PTPRE: variants seen among roughly 807,000 people sequenced by gnomAD.
PTPRE encodes the protein protein tyrosine phosphatase receptor type E, also known as receptor-type tyrosine-protein phosphatase epsilon.
In PTPRE, 51 loss-of-function variants were observed where a neutral mutation model predicts 102.0. That is an observed-to-expected ratio of 0.50 (90% CI 0.40 to 0.63). The LOEUF (loss-of-function observed/expected upper bound fraction) is 0.63. Among genes scored for constraint, PTPRE ranks in the 30% least tolerant of loss-of-function variants. The pLI is 0.00. For synonymous variants in PTPRE, 345 were observed against 348.2 expected (o/e 0.99, Z 0.10); for missense variants, 752 against 915.1 (o/e 0.82, Z 2.30).
At chr10:128,055,018 T>C (rs1269721983) in intron 6 of PTPRE, among the ~76,000 whole-genome samples, 1 of 152,124 alleles carries the variant, frequency 6.6e-6, no homozygotes, top group Non-Finnish European at 1.5e-5. Flanking sequence ...TTCAGTTTCC[T>C]CACCCATAAA....
chr10:127,920,306 C>T (rs959958553), intron 1 of PTPRE, among the ~76,000 whole-genome samples: 1 of 152,312 alleles, frequency 6.6e-6, no homozygotes, highest in East Asian at 1.9e-4. Flanking sequence ...GAAGGGGCAG[C>T]CCCTTGGAGC....
At chr10:127,969,157 G>A (rs1328154609) in intron 1 of PTPRE, among the ~76,000 whole-genome samples, 5 of 152,314 alleles carry the variant, frequency 3.3e-5, no homozygotes, top group African/African-American at 2.4e-5. Flanking sequence ...TTCGGAAGGC[G>A]AACGCCATGG....
At chr10:128,030,915 G>A (rs1011110098) in intron 2 of PTPRE, among the ~76,000 whole-genome samples, 3 of 152,184 alleles carry the variant, frequency 2.0e-5, no homozygotes, top group South Asian at 2.1e-4. Flanking sequence ...CCTGCAGGGC[G>A]CCCCTACCAC....
chr10:127,956,554 G>A (rs1033820957), intron 1 of PTPRE, among the ~76,000 whole-genome samples: 3 of 152,212 alleles, frequency 2.0e-5, no homozygotes, highest in Non-Finnish European at 4.4e-5. Flanking sequence ...GGGTTTTTGT[G>A]TGGACATAAG....
In PTPRE at chr10:128,070,363, G is replaced by A; in HGVS notation, c.1206G>A (p.Leu402=). The part of the protein sequence containing the change: ...LEYYLYGDTE[L]DVSSLEKHLQ... ...ACTACCTCTACGGGGACACAGAGCTGGACGTGTCCTCCCTGGAGAAGCACC... is the reference window on the plus strand; with the variant it reads ...ACTACCTCTACGGGGACACAGAGCTAGACGTGTCCTCCCTGGAGAAGCACC... The change falls in exon 14 of 21, where the codon CTG becomes CTA. Residue 402 remains leucine (L), a synonymous_variant. Coordinates refer to ENST00000254667, the MANE Select transcript of PTPRE (RefSeq NM_006504.6). The surrounding 1 kb of genome is among the most constrained non-coding windows in gnomAD (Gnocchi z 4.8). 6.2e-7 allele frequency: 1 copy of A among 1,614,180 alleles called. No individual in the cohort carries two copies. Among genetic ancestry groups the A allele is most frequent in the Non-Finnish European group, 8.5e-7 (1 of 1,180,028 alleles).
intron 7 of PTPRE, among the ~76,000 whole-genome samples, chr10:128,057,141 T>C (rs920886924): frequency 6.0e-5 from 9 of 151,200 alleles, no homozygotes; most frequent in African/African-American, 2.2e-4. Flanking sequence ...CTCTTGAACC[T>C]GGGAGACAGA....
intron 19 of PTPRE, among the ~76,000 whole-genome samples, chr10:128,078,781 T>A (rs1177187730): frequency 6.6e-6 from 1 of 152,102 alleles, no homozygotes; most frequent in Non-Finnish European, 1.5e-5. Context: ...GATGCAGAGG[T>A]GAACAAGATC....
intron 1 of PTPRE, among the ~76,000 whole-genome samples, chr10:127,978,571 C>T (rs894056164): frequency 6.6e-6 from 1 of 152,024 alleles, no homozygotes; most frequent in African/African-American, 2.4e-5. Flanking sequence ...ATAAAACAAG[C>T]AGACAAACAT....
intron 11 of PTPRE, among the ~76,000 whole-genome samples, chr10:128,067,074 CCA>C (rs912830147): frequency 2.0e-5 from 3 of 149,348 alleles, no homozygotes; most frequent in Admixed American, 2.0e-4. Flanking sequence ...ACACGTACAC[CCA>C]CACACAGGCA....
chr10:127,945,088 T>A (rs754163095), intron 1 of PTPRE, among the ~76,000 whole-genome samples: 2 of 152,152 alleles, frequency 1.3e-5, no homozygotes, highest in Non-Finnish European at 2.9e-5. Flanking sequence ...ATCTCCTTCA[T>A]TGGACCTCAG....
At chr10:127,942,751 GAGTTTC>G (rs1488132365) in intron 1 of PTPRE, among the ~76,000 whole-genome samples, 1 of 152,230 alleles carries the variant, frequency 6.6e-6, no homozygotes, top group Non-Finnish European at 1.5e-5. Flanking sequence ...AAGAGGGACA[GAGTTTC>G]AGTTTGGGAA....
intron 1 of PTPRE, among the ~76,000 whole-genome samples, chr10:127,969,661 T>C (rs1589861595): frequency 9.1e-6 from 1 of 110,264 alleles, no homozygotes; most frequent in East Asian, 2.8e-4. Flanking sequence ...AGCGATACTC[T>C]GCCTAAAAAG....
intron 1 of PTPRE, among the ~76,000 whole-genome samples, chr10:127,936,470 C>T (rs566230917): frequency 1.6e-4 from 25 of 152,084 alleles, no homozygotes; most frequent in East Asian, 1.9e-4. Flanking sequence ...TTGCCTGGAC[C>T]GCTGGTCCTT....
chr10:128,077,916 T>A, intron 19 of PTPRE, 133 bp downstream of exon 19: 1 of 1,001,222 alleles, frequency 1.0e-6, no homozygotes, highest in Non-Finnish European at 1.4e-6. Context: ...TCTCTACCTC[T>A]CCTTACACAC....
chr10:127,912,045 C>G (rs1589713347), intron 1 of PTPRE, among the ~76,000 whole-genome samples: 2 of 152,220 alleles, frequency 1.3e-5, no homozygotes, highest in South Asian at 4.2e-4. Flanking sequence ...GGCTAGGAGA[C>G]CCCTGGTTTG....
chr10:128,072,699 A>C (rs989784660), intron 16 of PTPRE: 6 of 151,712 alleles, frequency 4.0e-5, no homozygotes, highest in Admixed American at 1.3e-4. Flanking sequence ...CTTTGGAAAT[A>C]GAAGGACATA....
At chr10:127,962,550 GCTCTGCAGGGCGGGGTCAGGC>G (rs1328868718) in intron 1 of PTPRE, among the ~76,000 whole-genome samples, 3 of 152,186 alleles carry the variant, frequency 2.0e-5, no homozygotes, top group Non-Finnish European at 4.4e-5. Flanking sequence ...GGTGACATGG[GCTCTGCAGGGCGGGGTCAGGC>G]CTCCCGCTCA....
chr10:127,963,179 G>T (rs1849966146), intron 1 of PTPRE, among the ~76,000 whole-genome samples: 1 of 152,078 alleles, frequency 6.6e-6, no homozygotes, highest in South Asian at 2.1e-4. Context: ...CCCAAGAGAG[G>T]GCTGGGGTGA....
chr10:128,048,244 G>A (rs927231396), intron 5 of PTPRE, among the ~76,000 whole-genome samples: 6 of 152,204 alleles, frequency 3.9e-5, no homozygotes, highest in Admixed American at 3.9e-4. Flanking sequence ...CTCCTGAAGT[G>A]CTTCATGTTT....
Sources: allele counts gnomAD v4.1 joint callset (sites outside exome capture counted in the v4.1 genomes callset), GRCh38; gene constraint gnomAD v4.1.1; non-coding constraint Gnocchi (gnomAD v3.1); transcripts MANE v1.5; gene names NCBI Gene and HGNC (gene_info 2026-07-23, HGNC 2026-07-21).